The following TIAM1 variants were observed in gnomAD, a reference collection of about 807,000 sequenced individuals.
TIAM1 encodes rho guanine nucleotide exchange factor TIAM1.
In TIAM1, 65 loss-of-function variants were observed where a neutral mutation model predicts 163.5. That is an observed-to-expected ratio of 0.40 (90% confidence interval 0.33 to 0.49). The LOEUF (loss-of-function observed/expected upper bound fraction) is 0.49, where lower values mean the gene tolerates loss of function less well. Among genes scored for constraint, TIAM1 ranks in the 20% least tolerant of loss-of-function variants. TIAM1 has a pLI of 0.77. For synonymous variants in TIAM1, 833 were observed against 810.1 expected (o/e 1.03, Z -0.48); for missense variants, 1,789 against 2,044.7 (o/e 0.87, Z 2.41).
chr21:31,525,961 G>A (rs1305749139), intron 1 of TIAM1, among the ~76,000 whole-genome samples: 1 of 151,308 alleles, frequency 6.6e-6, no homozygotes, highest in Non-Finnish European at 1.5e-5. Context: ...TTGAACCCGG[G>A]AGGCAGAGGT....
intron 2 of TIAM1, among the ~76,000 whole-genome samples, chr21:31,383,399 A>G (rs1478147011): frequency 6.6e-6 from 1 of 152,148 alleles, no homozygotes; most frequent in African/African-American, 2.4e-5. Context: ...TGTTCATTGA[A>G]TACCTATTAT....
At chr21:31,463,687 G>A (rs1446634425) in intron 2 of TIAM1, among the ~76,000 whole-genome samples, 6 of 151,840 alleles carry the variant, frequency 4.0e-5, no homozygotes, top group Admixed American at 6.6e-5. Flanking sequence ...GCATTGTGGC[G>A]GGCACCTGTA....
At chr21:31,549,917 A>T (rs1301079393) in intron 1 of TIAM1, among the ~76,000 whole-genome samples, 1 of 152,210 alleles carries the variant, frequency 6.6e-6, no homozygotes, top group Non-Finnish European at 1.5e-5. Context: ...TGAGGTCAGG[A>T]GTTCGAGACC....
chr21:31,498,207 C>G (rs1298760828), intron 1 of TIAM1, among the ~76,000 whole-genome samples: 1 of 152,234 alleles, frequency 6.6e-6, no homozygotes, highest in African/African-American at 2.4e-5. Flanking sequence ...ATTCTTGGAT[C>G]TACGCAAGAG....
At chr21:31,127,467 G>A (rs992232976) in intron 25 of TIAM1, among the ~76,000 whole-genome samples, 3 of 150,280 alleles carry the variant, frequency 2.0e-5, no homozygotes, top group Non-Finnish European at 4.4e-5. Flanking sequence ...CATCCAGGCC[G>A]GAGTGCGGTG....
intron 1 of TIAM1, among the ~76,000 whole-genome samples, chr21:31,546,159 T>C (rs1467158670): frequency 1.3e-5 from 2 of 148,426 alleles, no homozygotes; most frequent in African/African-American, 5.0e-5. Flanking sequence ...TGGCACACTT[T>C]ATGTAATGAA....
intron 20 of TIAM1, among the ~76,000 whole-genome samples, chr21:31,144,206 G>T (rs781271447): frequency 6.6e-6 from 1 of 152,206 alleles, no homozygotes; most frequent in Non-Finnish European, 1.5e-5. Flanking sequence ...GTGGCCGACT[G>T]GCCCCATGTG....
intron 2 of TIAM1, among the ~76,000 whole-genome samples, chr21:31,360,925 T>A (rs1337497293): frequency 6.6e-6 from 1 of 152,132 alleles, no homozygotes; most frequent in Non-Finnish European, 1.5e-5. Flanking sequence ...GAGGGCATAA[T>A]GCAAGAGGAA....
At chr21:31,231,347 A>G (rs193122482) in intron 6 of TIAM1, among the ~76,000 whole-genome samples, 276 of 152,286 alleles carry the variant, frequency 1.8e-3, no homozygotes, top group Middle Eastern at 3.4e-3. Context: ...TGCCTCAAAC[A>G]TAACGGAGTC....
intron 2 of TIAM1, among the ~76,000 whole-genome samples, chr21:31,284,452 G>C (rs566291014): frequency 7.2e-4 from 109 of 152,252 alleles, no homozygotes; most frequent in African/African-American, 1.7e-3. Flanking sequence ...CACACAGCAG[G>C]GGGGGTGGAG....
rs188618783 is a variant in TIAM1, at chr21:31,361,285, A to G, written c.-368-21863T>C. The stretch of plus-strand genomic sequence containing the variant: ...GTATGATTCCACTGATATACAGTTC[A>G]AAAACAAGCAAAATTAAACTACAGT... On this transcript the variant is annotated intron_variant, in intron 2 of 28. Coordinates refer to the TIAM1 transcript ENST00000286827. 9.2e-5 allele frequency among the ~76,000 whole-genome samples: 14 copies of G among 152,368 alleles called. No homozygotes were observed. The East Asian group carries it at 2.5e-3, about 27-fold the overall frequency.
intron 2 of TIAM1, chr21:31,452,884 G>C: frequency 1.9e-6 from 1 of 515,612 alleles, no homozygotes; most frequent in Non-Finnish European, 3.9e-6. Context: ...CAGTCTTTTT[G>C]GTATGACGAT....
At chr21:31,297,437 C>G (rs1202720641) in intron 2 of TIAM1, among the ~76,000 whole-genome samples, 1 of 152,234 alleles carries the variant, frequency 6.6e-6, no homozygotes, top group East Asian at 1.9e-4. Context: ...CTCTGTCACC[C>G]AGGCTGGAGT....
intron 2 of TIAM1, among the ~76,000 whole-genome samples, chr21:31,406,993 G>A (rs528369073): frequency 6.6e-6 from 1 of 152,216 alleles, no homozygotes; most frequent in South Asian, 2.1e-4. Flanking sequence ...ACACTTTTAA[G>A]GTCATACACC....
At chr21:31,267,911 C>A (rs908672370) in intron 3 of TIAM1, among the ~76,000 whole-genome samples, 4 of 152,156 alleles carry the variant, frequency 2.6e-5, no homozygotes, top group African/African-American at 9.7e-5. Flanking sequence ...CAGGTTAATT[C>A]AAGTCCCTCC....
intron 2 of TIAM1, among the ~76,000 whole-genome samples, chr21:31,415,497 A>G (rs550009104): frequency 1.3e-5 from 2 of 152,238 alleles, no homozygotes; most frequent in East Asian, 3.9e-4. Flanking sequence ...TAACCCAGCA[A>G]TCAGGGATAT....
chr21:31,470,553 G>A (rs1364418873), intron 1 of TIAM1, among the ~76,000 whole-genome samples: 3 of 146,764 alleles, frequency 2.0e-5, no homozygotes, highest in Non-Finnish European at 4.5e-5. Flanking sequence ...GGCTCGTCTC[G>A]AACTCTTGAC....
intron 2 of TIAM1, among the ~76,000 whole-genome samples, chr21:31,354,722 G>A (rs1399071468): frequency 2.0e-5 from 3 of 152,146 alleles, no homozygotes; most frequent in Non-Finnish European, 4.4e-5. Flanking sequence ...CTACCGGTGT[G>A]GAGGAGGCTC....
intron 2 of TIAM1, among the ~76,000 whole-genome samples, chr21:31,289,884 C>T (rs2073949256): frequency 6.6e-6 from 1 of 152,064 alleles, no homozygotes; most frequent in African/African-American, 2.4e-5. Flanking sequence ...CATTCACTGC[C>T]AAGTAATATC....
Sources: gnomAD v4.1 joint callset for allele counts (sites outside exome capture counted in the v4.1 genomes callset) on GRCh38, gnomAD v4.1.1 for gene constraint, MANE v1.5 for transcripts, NCBI Gene and HGNC (gene_info 2026-07-23, HGNC 2026-07-21) for gene names.